The following PCDHGA5 variants were observed in gnomAD, a reference collection of about 807,000 sequenced individuals.
PCDHGA5 encodes protocadherin gamma subfamily A, 5, also known as protocadherin gamma-A5.
PCDHGA5 carries 36 observed loss-of-function variants against 56.7 expected under a neutral mutation model. That is an observed-to-expected ratio of 0.64 (90% CI 0.49 to 0.84). The LOEUF is 0.84. Among genes scored for constraint, PCDHGA5 ranks in the 40% least tolerant of loss-of-function variants. The pLI is 0.00. For missense variants in PCDHGA5, 1,305 were observed against 1,201.5 expected, an observed-to-expected ratio of 1.09 and a Z score of -1.27; for synonymous variants, 563 against 520.2, an observed-to-expected ratio of 1.08 and a Z score of -1.12.
intron 1 of PCDHGA5, chr5:141,410,413 TG>T: frequency 6.2e-7 from 1 of 1,614,056 alleles, no homozygotes; most frequent in Non-Finnish European, 8.5e-7. Flanking sequence ...AGTCTGGACC[TG>T]TAGTTCCCCC....
chr5:141,377,799 T>C (rs1774359449), intron 1 of PCDHGA5: 1 of 152,206 alleles, frequency 6.6e-6, no homozygotes, highest in African/African-American at 2.4e-5. Flanking sequence ...TTCCTGTAAC[T>C]ATCTGTTATT....
At chr5:141,375,524 G>C (rs746416710) in intron 1 of PCDHGA5, 2 of 1,613,868 alleles carry the variant, frequency 1.2e-6, no homozygotes, top group African/African-American at 2.7e-5. Flanking sequence ...GGACCCTGAC[G>C]TGGACCAGAA....
chr5:141,446,634 G>A (rs927873152), intron 1 of PCDHGA5, among the ~76,000 whole-genome samples: 6 of 151,928 alleles, frequency 3.9e-5, no homozygotes, highest in Admixed American at 2.6e-4. Context: ...GCACCACCAC[G>A]CCTGGCTAAT....
chr5:141,404,771 C>T lies in PCDHGA5; in HGVS notation c.2421+38020C>T, dbSNP rs376650362. On this transcript the variant is annotated intron_variant, in intron 1 of 3. Coordinates refer to ENST00000518069, the MANE Select transcript of PCDHGA5 (RefSeq NM_018918.3). Reference sequence around the variant, plus strand: ...AGGCCAGAATGCTTGGCTCTCCTACCGCCTATTCAAGGCCAGTGAGCCAGG... The same window carrying T: ...AGGCCAGAATGCTTGGCTCTCCTACTGCCTATTCAAGGCCAGTGAGCCAGG... The T allele has an allele frequency of 3.3e-5, 53 of 1,613,868 alleles. No homozygotes were observed. Among genetic ancestry groups the T allele is most frequent in the African/African-American group, 1.9e-4 (14 of 74,938 alleles).
In PCDHGA5 at chr5:141,408,093, G is replaced by C. The variant is rs533105778; in HGVS notation, c.2421+41342G>C. On this transcript the variant is annotated intron_variant, in intron 1 of 3. Transcript: ENST00000518069. ...CCTTTCCCAGCACAGCGGATTGCCA[G>C]CTCCGAGACCCGGGACTCCTCCTGT... The C allele has an allele frequency of 7.0e-6, 10 of 1,429,954 alleles. No homozygotes were observed. In the Admixed American group the frequency reaches 1.4e-4, roughly 20 times the overall value. 88.6% of individuals were successfully genotyped at this position (1,429,954 alleles called of 1,614,324 possible).
At chr5:141,374,231 A>T (rs1335997807) in intron 1 of PCDHGA5, 1 of 1,613,834 alleles carries the variant, frequency 6.2e-7, no homozygotes, top group East Asian at 2.2e-5. Flanking sequence ...CAACATCGTC[A>T]AGGATCTGGG....
intron 1 of PCDHGA5, chr5:141,387,903 G>A: frequency 6.6e-7 from 1 of 1,506,982 alleles, no homozygotes; most frequent in African/African-American, 1.4e-5. Context: ...CGGCGCCGGG[G>A]AGCTGGGCCG....
intron 1 of PCDHGA5, among the ~76,000 whole-genome samples, chr5:141,436,320 G>A (rs1158221950): frequency 6.6e-6 from 1 of 152,120 alleles, no homozygotes; most frequent in African/African-American, 2.4e-5. Flanking sequence ...AGTCAAGACT[G>A]TTAGACCATA....
chr5:141,434,724 C>T (rs2097712360), intron 1 of PCDHGA5, among the ~76,000 whole-genome samples: 2 of 151,800 alleles, frequency 1.3e-5, no homozygotes, highest in Admixed American at 1.3e-4. Flanking sequence ...GTTCAGGGCT[C>T]TCAGCTCTGA....
At chr5:141,434,667 G>A (rs1464226862) in intron 1 of PCDHGA5, among the ~76,000 whole-genome samples, 5 of 151,956 alleles carry the variant, frequency 3.3e-5, no homozygotes, top group African/African-American at 1.2e-4. Context: ...CTATAGAAAT[G>A]ATGCTAATGA....
rs2097401329 is a variant in PCDHGA5 at position 141,431,623 on chromosome 5, G to A, written c.2422-63184G>A. 1 of 1,614,192 alleles carries A rather than the reference G, an allele frequency of 6.2e-7. No homozygotes were observed. The highest frequency in any genetic ancestry group is 1.7e-5 in the Admixed American group (1 of 60,028). On this transcript the variant is annotated intron_variant, in intron 1 of 3. Coordinates refer to ENST00000518069, the MANE Select transcript of PCDHGA5 (RefSeq NM_018918.3). This position sits in a 1 kb window ranked among gnomAD's most constrained non-coding sequence, Gnocchi z 4.8. ...CCTTCCGGTATGTGGACGACAAGGC[G>A]GCCCAAGTTTTCAAACTAGATTGTA...
In PCDHGA5 at chr5:141,478,732, T is replaced by C. The variant is rs772167680; in HGVS notation, c.2422-16075T>C. 7.2e-6 allele frequency: 11 copies of C among 1,537,428 alleles called. No homozygotes were observed. In the South Asian group the frequency reaches 1.2e-4, roughly 17 times the overall value. On this transcript the variant is annotated intron_variant, in intron 1 of 3. Transcript: ENST00000518069. ...GAGATGGTGGCCTGCCAGAGTGTGG[T>C]TTGTGGTCCCATTTCAGGGGGAAGA...
intron 1 of PCDHGA5, chr5:141,390,211 A>C (rs2092083901): frequency 6.2e-7 from 1 of 1,613,936 alleles, no homozygotes. Context: ...TCAGGACAAG[A>C]CATACTTTGC....
chr5:141,495,470 C>A (rs2099761615), intron 2 of PCDHGA5, among the ~76,000 whole-genome samples: 1 of 152,196 alleles, frequency 6.6e-6, no homozygotes, highest in African/African-American at 2.4e-5. Flanking sequence ...GTGGGGTCTC[C>A]GTGTCTCTGC....
chr5:141,376,032 G>T (rs751769680), intron 1 of PCDHGA5: 3 of 1,613,116 alleles, frequency 1.9e-6, no homozygotes, highest in East Asian at 4.5e-5. Context: ...CAGGACCACG[G>T]CCAGCCCCCT....
At position 141,365,768 on chromosome 5, in the gene PCDHGA5, G is replaced by C; in HGVS notation, c.1438G>C (p.Asp480His). The change falls in exon 1 of 4, where the codon GAC (aspartate) becomes CAC (histidine). Residue 480 changes from aspartate (D) to histidine (H), a missense_variant. Asp to His is a moderately conservative substitution (Grantham distance 81). Transcript: ENST00000518069. ...SIFSVTAHDP[D>H]SGDNARVTYS... ...CTTCTCTGTGACAGCCCATGACCCCGACAGCGGCGACAACGCTCGAGTCAC... is the reference window on the plus strand; with the variant it reads ...CTTCTCTGTGACAGCCCATGACCCCCACAGCGGCGACAACGCTCGAGTCAC... 1 of 1,613,812 alleles carries C rather than the reference G, an allele frequency of 6.2e-7. No individual in the cohort carries two copies.
chr5:141,492,787 G>A (rs1308203463), intron 1 of PCDHGA5, among the ~76,000 whole-genome samples: 2 of 152,254 alleles, frequency 1.3e-5, no homozygotes, highest in Admixed American at 6.5e-5. Context: ...AGCCTCTATA[G>A]GACAGCAGGA....
chr5:141,382,310 C>T (rs1423976376), intron 1 of PCDHGA5, among the ~76,000 whole-genome samples: 1 of 152,178 alleles, frequency 6.6e-6, no homozygotes, highest in African/African-American at 2.4e-5. Flanking sequence ...AATTTATATA[C>T]ACTGATGTAA....
In PCDHGA5 at chr5:141,510,929, C is replaced by T. The variant is rs1238694958; in HGVS notation, c.2570-18C>T. The T allele has an allele frequency of 3.1e-6, 5 of 1,613,988 alleles. No homozygotes were observed. The highest frequency in any genetic ancestry group is 4.2e-6 in the Non-Finnish European group (5 of 1,179,988). On this transcript the variant is annotated intron_variant, in intron 3 of 3. Coordinates refer to ENST00000518069, the MANE Select transcript of PCDHGA5 (RefSeq NM_018918.3). ...ACCCTAAGTTTAGCTCCCACCTGAT[C>T]TTCCTCTGTCTCTGCAGAAGCTGCT...
Sources: allele counts gnomAD v4.1 joint callset (sites outside exome capture counted in the v4.1 genomes callset), GRCh38; gene constraint gnomAD v4.1.1; non-coding constraint Gnocchi (gnomAD v3.1); transcripts MANE v1.5; gene names NCBI Gene and HGNC (gene_info 2026-07-23, HGNC 2026-07-21).